Variants in PBDC1 observed in about 807,000 individuals in gnomAD.
PBDC1 encodes the protein polysaccharide biosynthesis domain containing 1.
In PBDC1, 3 loss-of-function variants were observed where a neutral mutation model predicts 12.0. That is an observed-to-expected ratio of 0.25 (90% confidence interval 0.11 to 0.64). The LOEUF is 0.64. PBDC1 is among the 30% of genes least tolerant of loss of function. PBDC1 has a pLI of 0.84. For synonymous variants in PBDC1, 64 were observed against 56.4 expected, an observed-to-expected ratio of 1.13 and a Z score of -0.60; for missense variants, 162 against 168.1, an observed-to-expected ratio of 0.96 and a Z score of 0.20.
chrX:76,177,874 A>G lies in PBDC1; in HGVS notation c.668A>G (p.Lys223Arg). 5 of 1,211,626 alleles carry G rather than the reference A, an allele frequency of 4.1e-6. No homozygotes were observed. The highest frequency in any genetic ancestry group is 5.6e-6 in the Non-Finnish European group (5 of 895,374). Residue 223 changes from lysine to arginine, a missense_variant, in exon 6 of 6, where the codon AAA becomes AGA. Around this residue, in one of 3 missense-constraint regions of PBDC1, gnomAD observed 100 missense variants for 96.2 expected, o/e 1.04. Transcript: ENST00000373358. Reference protein sequence around the residue: ...KGGEKGKEADKEINKSGEKAM With the variant: ...KGGEKGKEADREINKSGEKAM ...GGAGAAAAAGGGAAAGAAGCTGACA[A>G]AGAAATCAACAAAAGTGGTGAAAAA...
At chrX:76,173,549 TG>T (rs782818535) in intron 1 of PBDC1, 35 bp from the exon 2 acceptor site, 3 of 1,131,877 alleles carry the variant, frequency 2.7e-6, no homozygotes, top group Non-Finnish European at 3.6e-6. Context: ...CGCCCGGCCT[TG>T]GGGGGAGCCT....
intron 3 of PBDC1, 36 bp from the exon 4 acceptor site, chrX:76,175,437 A>G: frequency 8.4e-7 from 1 of 1,186,203 alleles, no homozygotes; most frequent in Non-Finnish European, 1.1e-6. Flanking sequence ...AGTAAATTAC[A>G]GACTAGCATC....
chrX:76,175,783 A>G (rs1311438089), intron 4 of PBDC1, among the ~76,000 whole-genome samples, 170 bp downstream of exon 4: 4 of 112,160 alleles, frequency 3.6e-5, no homozygotes, highest in Non-Finnish European at 7.5e-5. Flanking sequence ...TTTCCAGTTT[A>G]TGGACTTTTC....
At chrX:76,174,582 A>T (rs1240541653) in intron 2 of PBDC1, among the ~76,000 whole-genome samples, 6 of 112,239 alleles carry the variant, frequency 5.3e-5, no homozygotes, top group Non-Finnish European at 1.1e-4. Flanking sequence ...TTTTACAATG[A>T]TTTAACTCAA....
chrX:76,173,525 G>C (rs1924711338), intron 1 of PBDC1, 60 bp from the exon 2 acceptor site: 1 of 908,322 alleles, frequency 1.1e-6, no homozygotes, highest in African/African-American at 2.0e-5. Flanking sequence ...GACTGGCCTT[G>C]GGGGGAGCCA....
At chrX:76,174,862 T>G (rs1216771783) in intron 2 of PBDC1, 28 bp from the exon 3 acceptor site, 24 of 1,176,593 alleles carry the variant, frequency 2.0e-5, no homozygotes, top group Non-Finnish European at 2.7e-5. Flanking sequence ...GGGAGATTTA[T>G]GACCTGGCAT....
At chrX:76,176,276 C>T (rs1050161673) in intron 4 of PBDC1, among the ~76,000 whole-genome samples, 5 of 110,061 alleles carry the variant, frequency 4.5e-5, no homozygotes, top group Non-Finnish European at 7.6e-5. Flanking sequence ...GCTTCAGCCT[C>T]CCTAGTAGGT....
At chrX:76,175,361 C>T in intron 3 of PBDC1, 112 bp from the exon 4 acceptor site, 1 of 692,195 alleles carries the variant, frequency 1.4e-6, no homozygotes, top group Non-Finnish European at 2.2e-6. Context: ...TCGACACTTC[C>T]TGAAGAGATC....
At position 76,176,924 on chromosome X, in the gene PBDC1, A is replaced by C. The variant is rs781853749; in HGVS notation, c.341A>C (p.Asp114Ala). The change falls in exon 5 of 6, where the codon GAC becomes GCC. Residue 114 changes from aspartate (D) to alanine (A), a missense_variant. Asp to Ala is a moderately radical substitution (Grantham distance 126, BLOSUM62 -2). Transcript: ENST00000373358. ...FCLKFNGIVE[D>A]FNYGTLLRLD... ...TTGAAGTTTAATGGGATTGTTGAAG[A>C]CTTCAACTATGGTACTTTGCTGCGA... The C allele has an allele frequency of 2.5e-6, 3 of 1,207,413 alleles. No homozygotes were observed. Among genetic ancestry groups the C allele is most frequent in the East Asian group, 5.9e-5 (2 of 33,720 alleles).
At chrX:76,176,478 A>T (rs922814694) in intron 4 of PBDC1, among the ~76,000 whole-genome samples, 55 of 111,803 alleles carry the variant, frequency 4.9e-4, no homozygotes, top group African/African-American at 1.7e-3. Flanking sequence ...TTTAACTCCT[A>T]GCAGGCAGTT....
At chrX:76,177,051 C>G in intron 5 of PBDC1, 59 bp downstream of exon 5, 1 of 770,129 alleles carries the variant, frequency 1.3e-6, no homozygotes, top group Non-Finnish European at 2.0e-6. Flanking sequence ...TCTGGCTTTA[C>G]TGATGAATCA....
chrX:76,173,123 T>C lies in PBDC1; in HGVS notation c.-16T>C. ...CAATCAGCTGCGGAAGGAGCCACGC[T>C]TTCGGGGGTTGCAAGATGGCGGCCA... On this transcript the variant is annotated 5_prime_UTR_variant, in exon 1 of 6. Coordinates refer to ENST00000373358, the MANE Select transcript of PBDC1 (RefSeq NM_016500.5). 2.6e-6 allele frequency: 3 copies of C among 1,175,061 alleles called. No homozygotes were observed. The highest frequency in any genetic ancestry group is 3.4e-6 in the Non-Finnish European group (3 of 876,326).
chrX:76,175,416 G>T, intron 3 of PBDC1, 57 bp from the exon 4 acceptor site: 1 of 1,120,583 alleles, frequency 8.9e-7, no homozygotes, highest in Non-Finnish European at 1.2e-6. Context: ...GGATGGGGAA[G>T]ATAGAAGTAT....
At chrX:76,176,740 T>C (rs1003687312) in intron 4 of PBDC1, 141 bp from the exon 5 acceptor site, 5 of 442,231 alleles carry the variant, frequency 1.1e-5, no homozygotes, top group Non-Finnish European at 1.6e-5. Context: ...CATTGCTAGT[T>C]TCACTGTGAA....
chrX:76,174,492 C>T (rs1165630788), intron 2 of PBDC1, among the ~76,000 whole-genome samples: 1 of 111,945 alleles, frequency 8.9e-6, no homozygotes, highest in Non-Finnish European at 1.9e-5. Context: ...ATGCTTCAGT[C>T]TTAAAAGTGA....
intron 4 of PBDC1, 145 bp from the exon 5 acceptor site, chrX:76,176,736 T>C (rs1924802513): frequency 2.3e-6 from 1 of 444,206 alleles, no homozygotes; most frequent in African/African-American, 2.4e-5. Flanking sequence ...AACGCATTGC[T>C]AGTTTCACTG....
chrX:76,176,560 G>C (rs1445221721), intron 4 of PBDC1, among the ~76,000 whole-genome samples: 3 of 111,747 alleles, frequency 2.7e-5, no homozygotes, highest in Non-Finnish European at 5.6e-5. Context: ...TGTTTTAGTG[G>C]GGATAGATGA....
In PBDC1 at chrX:76,173,067, T is replaced by A. The variant is rs1924694389; in HGVS notation, c.-72T>A. Reference sequence around the variant, plus strand: ...GGAGAGCGCACGGTGGAGCCGCCAGTTGAGAAGGACTCTGATCCGGCTCAG... The same window carrying A: ...GGAGAGCGCACGGTGGAGCCGCCAGATGAGAAGGACTCTGATCCGGCTCAG... On this transcript the variant is annotated 5_prime_UTR_variant, in exon 1 of 6. It adds an upstream start codon to the 5' untranslated region. Transcript: ENST00000373358. The A allele has an allele frequency of 9.1e-7, 1 of 1,096,747 alleles. No homozygotes were observed. The highest frequency in any genetic ancestry group is 3.3e-5 in the East Asian group (1 of 30,380). The allele number at this position is 1,096,747 out of a possible 1,213,427, so 90.4% of individuals were successfully genotyped here.
intron 2 of PBDC1, among the ~76,000 whole-genome samples, chrX:76,174,550 A>G (rs936381777): frequency 1.4e-4 from 16 of 112,096 alleles, no homozygotes; most frequent in African/African-American, 4.9e-4. Context: ...ACTCAGTGGA[A>G]TTGATGGGTA....
Sources: gnomAD v4.1 joint callset for allele counts (sites outside exome capture counted in the v4.1 genomes callset) on GRCh38, gnomAD v4.1.1 for gene constraint, gnomAD v4.1.1 regional missense constraint, MANE v1.5 for transcripts, NCBI Gene and HGNC (gene_info 2026-07-23, HGNC 2026-07-21) for gene names.